PTPN13: variants seen among roughly 807,000 people sequenced by gnomAD.
PTPN13 encodes protein tyrosine phosphatase non-receptor type 13, also known as tyrosine-protein phosphatase non-receptor type 13.
In PTPN13, 191 loss-of-function variants were observed where a neutral mutation model predicts 284.0. The ratio of observed to expected loss-of-function variants is 0.67; its 90% CI spans 0.60 to 0.76. The LOEUF (loss-of-function observed/expected upper bound fraction) is 0.76. Ranked by LOEUF, PTPN13 falls within the 30% of genes least tolerant of loss-of-function variation. PTPN13 has a pLI of 0.00. For synonymous variants in PTPN13, 986 were observed against 1,022.3 expected (o/e 0.96, Z 0.68); for missense variants, 2,797 against 2,939.9 (o/e 0.95, Z 1.12).
At chr4:86,670,164 C>T (rs1727577705) in intron 2 of PTPN13, among the ~76,000 whole-genome samples, 1 of 138,972 alleles carries the variant, frequency 7.2e-6, no homozygotes, top group African/African-American at 2.7e-5. Context: ...TCTTTTCTAT[C>T]TTAATTCTTT....
intron 45 of PTPN13, 84 bp from the exon 46 acceptor site, chr4:86,809,685 T>G: frequency 7.7e-7 from 1 of 1,295,058 alleles, no homozygotes; most frequent in Non-Finnish European, 1.1e-6. Flanking sequence ...AACGAGACCC[T>G]ATCTCAAGAA....
chr4:86,728,544 A>G lies in PTPN13; in HGVS notation c.1609-3856A>G, dbSNP rs563909503. The stretch of plus-strand genomic sequence containing the variant: ...TTAGGATAGTTAGCTCTTCTTGTTG[A>G]ATTGATCCCTTTACCATTATGTAAT... On this transcript the variant is annotated intron_variant, in intron 10 of 47. Transcript: ENST00000411767. 2.3e-4 allele frequency among the ~76,000 whole-genome samples: 33 copies of G among 145,738 alleles called. 1 individual carries two copies. In the South Asian group the frequency reaches 7.3e-3, roughly 32 times the overall value.
intron 16 of PTPN13, 117 bp from the exon 17 acceptor site, chr4:86,744,849 C>A: frequency 3.9e-6 from 3 of 769,108 alleles, no homozygotes; most frequent in Non-Finnish European, 6.1e-6. Flanking sequence ...TTAAGTGATG[C>A]ATGACTATAT....
chr4:86,804,472 T>C (rs907865221), intron 43 of PTPN13, among the ~76,000 whole-genome samples: 3 of 152,214 alleles, frequency 2.0e-5, no homozygotes, highest in African/African-American at 7.2e-5. Context: ...CTCAAAATAT[T>C]AATTCTGTTA....
chr4:86,720,688 T>G (rs1050132560), intron 9 of PTPN13, among the ~76,000 whole-genome samples: 4 of 152,186 alleles, frequency 2.6e-5, no homozygotes, highest in Admixed American at 6.5e-5. Context: ...TTTTCTTCTT[T>G]AGGTCACACA....
At chr4:86,608,192 A>G (rs1413351611) in intron 1 of PTPN13, among the ~76,000 whole-genome samples, 5 of 152,102 alleles carry the variant, frequency 3.3e-5, no homozygotes, top group African/African-American at 4.8e-5. Flanking sequence ...AGAAAAAAAT[A>G]GTGAGGGACA....
At chr4:86,732,323 C>T in intron 10 of PTPN13, 77 bp from the exon 11 acceptor site, 1 of 1,174,752 alleles carries the variant, frequency 8.5e-7, no homozygotes, top group South Asian at 1.5e-5. Context: ...ATTTATTATT[C>T]TTACATTATT....
chr4:86,800,060 A>C (rs1317636477), intron 42 of PTPN13, among the ~76,000 whole-genome samples: 1 of 151,126 alleles, frequency 6.6e-6, no homozygotes, highest in Non-Finnish European at 1.5e-5. Context: ...CTGGTTTCTA[A>C]CTCCTGAGCT....
At chr4:86,749,310 T>TTCATTA (rs1565479251) in intron 17 of PTPN13, among the ~76,000 whole-genome samples, 1 of 151,132 alleles carries the variant, frequency 6.6e-6, no homozygotes, top group African/African-American at 2.4e-5. Context: ...TTTCTTCATC[T>TTCATTA]TCATCATCAT....
Position 86,753,039 on chromosome 4 carries a change from C to A in PTPN13, c.3197C>A (p.Ser1066Ter), listed in dbSNP as rs768921368. 13 of 1,608,288 alleles carry A rather than the reference C, an allele frequency of 8.1e-6. No homozygotes were observed. In the East Asian group the frequency reaches 2.2e-4, roughly 28 times the overall value. Residue 1066 changes from serine to a stop codon, truncating the protein, a stop_gained, in exon 20 of 48, where the codon TCA becomes TAA. Transcript: ENST00000411767. LOFTEE classifies it high-confidence loss of function. ...ACTATGCATAGTTCTGGAAACTCTT[C>A]ATCCCAAGTACCCTTAAAAGAAAAT... ...GMTMHSSGNS[S>*]SQVPLKENDV...
Position 86,814,672 on chromosome 4 carries a change from A to G in PTPN13, c.*121A>G. ...TCATACAACATGCATGTTCTCCTCT[A>G]TCTTAGAGGGGTATTCTTCTTGAAA... On this transcript the variant is annotated 3_prime_UTR_variant, in exon 48 of 48. Transcript: ENST00000411767. 4 of 652,060 alleles carry G rather than the reference A, an allele frequency of 6.1e-6. No homozygotes were observed. The highest frequency in any genetic ancestry group is 1.1e-5 in the Non-Finnish European group (4 of 379,404). 40.4% of individuals were successfully genotyped at this position (652,060 alleles called of 1,614,324 possible).
intron 1 of PTPN13, among the ~76,000 whole-genome samples, chr4:86,598,120 A>G (rs571043029): frequency 1.5e-4 from 23 of 151,336 alleles, no homozygotes; most frequent in Non-Finnish European, 1.8e-4. Flanking sequence ...TTAATAATAT[A>G]TACTTCTCAA....
At chr4:86,597,242 G>T (rs1469994354) in intron 1 of PTPN13, among the ~76,000 whole-genome samples, 1 of 149,366 alleles carries the variant, frequency 6.7e-6, no homozygotes, top group Non-Finnish European at 1.5e-5. Context: ...GGAACTAAAT[G>T]TTTTAAAGAT....
chr4:86,774,319 T>A, intron 32 of PTPN13, 54 bp from the exon 33 acceptor site: 1 of 1,477,008 alleles, frequency 6.8e-7, no homozygotes, highest in East Asian at 2.4e-5. Flanking sequence ...ATCTTTCTGT[T>A]TGTCTATAGT....
intron 37 of PTPN13, among the ~76,000 whole-genome samples, chr4:86,782,915 A>G (rs1741485344): frequency 6.6e-6 from 1 of 152,124 alleles, no homozygotes; most frequent in Non-Finnish European, 1.5e-5. Flanking sequence ...TCTTCCTGGT[A>G]TGTAATATAC....
intron 1 of PTPN13, among the ~76,000 whole-genome samples, chr4:86,628,396 A>G (rs1296818291): frequency 5.9e-5 from 9 of 152,126 alleles, no homozygotes; most frequent in African/African-American, 4.8e-5. Flanking sequence ...AAATCTAAAA[A>G]AAACTGGATT....
At chr4:86,776,025 A>G (rs1740592046) in intron 35 of PTPN13, among the ~76,000 whole-genome samples, 2 of 152,146 alleles carry the variant, frequency 1.3e-5, no homozygotes, top group African/African-American at 4.8e-5. Context: ...GGCTCACTGC[A>G]ACCTCCGCCT....
rs772194592 is a variant in PTPN13, at chr4:86,772,780, A to C, written c.5171A>C (p.Asn1724Thr). ...GTCTTACTTCTTTGTCTCTGTAGTA[A>C]TCCTTCCCCTCTACCACCGGATATG... The part of the protein sequence containing the change: ...IPNKPEFEDS[N>T]PSPLPPDMAP... The change falls in exon 32 of 48, where the codon AAT (asparagine) becomes ACT (threonine). Residue 1724 changes from asparagine to threonine, a missense_variant and splice_region_variant. Transcript: ENST00000411767. 1 of 1,601,280 alleles carries C rather than the reference A, an allele frequency of 6.2e-7. No homozygotes were observed.
intron 27 of PTPN13, 111 bp from the exon 28 acceptor site, chr4:86,767,706 T>C: frequency 1.2e-6 from 1 of 864,300 alleles, no homozygotes. Flanking sequence ...GTGGACCAAA[T>C]TTGGTAGTTA....
Sources: gnomAD v4.1 joint callset for allele counts (sites outside exome capture counted in the v4.1 genomes callset) on GRCh38, gnomAD v4.1.1 for gene constraint, MANE v1.5 for transcripts, NCBI Gene and HGNC (gene_info 2026-07-23, HGNC 2026-07-21) for gene names.